The following PCDH15 variants were observed in gnomAD, a reference collection of about 807,000 sequenced individuals.
PCDH15 encodes protocadherin-15.
A neutral mutation model predicts 178.5 loss-of-function variants in PCDH15; 129 were observed. The observed-to-expected ratio is 0.72, with a 90% CI of 0.63 to 0.84. The LOEUF (loss-of-function observed/expected upper bound fraction) is 0.84, where lower values mean the gene tolerates loss of function less well. Ranked by LOEUF, PCDH15 falls within the 40% of genes least tolerant of loss-of-function variation. The pLI is 0.00. For missense variants in PCDH15, 2,230 were observed against 2,099.9 expected, an observed-to-expected ratio of 1.06 and a Z score of -1.21; for synonymous variants, 800 against 732.0, an observed-to-expected ratio of 1.09 and a Z score of -1.50.
chr10:54,780,417 G>A (rs1274915167), intron 1 of PCDH15, among the ~76,000 whole-genome samples: 1 of 152,118 alleles, frequency 6.6e-6, no homozygotes, highest in Admixed American at 6.6e-5. Flanking sequence ...GCAAGGCTTG[G>A]GAACTGGGAG....
intron 14 of PCDH15, among the ~76,000 whole-genome samples, chr10:54,149,826 C>T (rs2044344655): frequency 6.6e-6 from 1 of 152,110 alleles, no homozygotes; most frequent in Admixed American, 6.6e-5. Context: ...CTAGAGATTG[C>T]AGTGGCTTGG....
chr10:55,275,711 T>C (rs866305626), intron 1 of PCDH15, among the ~76,000 whole-genome samples: 2 of 151,710 alleles, frequency 1.3e-5, no homozygotes, highest in Admixed American at 6.6e-5. Context: ...CTCTCTTTTT[T>C]TTTTTTTCCT....
chr10:55,530,739 C>T (rs973816532), intron 2 of PCDH15, among the ~76,000 whole-genome samples: 3 of 151,716 alleles, frequency 2.0e-5, no homozygotes, highest in African/African-American at 7.3e-5. Flanking sequence ...TCTTTGTGGC[C>T]TATCTCTGGA....
chr10:53,936,534 G>A (rs894439676), intron 25 of PCDH15, among the ~76,000 whole-genome samples: 2 of 152,054 alleles, frequency 1.3e-5, no homozygotes, highest in South Asian at 2.1e-4. Context: ...GATACATGGA[G>A]GTTCACCGTA....
intron 18 of PCDH15, among the ~76,000 whole-genome samples, chr10:54,032,889 T>C (rs1165391401): frequency 1.3e-5 from 2 of 151,854 alleles, no homozygotes; most frequent in African/African-American, 4.8e-5. Flanking sequence ...GGCAACTTCT[T>C]TACCTGGTGA....
At chr10:54,130,617 G>A (rs1383214157) in intron 15 of PCDH15, among the ~76,000 whole-genome samples, 1 of 152,170 alleles carries the variant, frequency 6.6e-6, no homozygotes, top group African/African-American at 2.4e-5. Flanking sequence ...GTTCTTAAAA[G>A]GGGAAGTGGG....
chr10:54,948,058 T>C (rs1838235670), intron 2 of PCDH15, among the ~76,000 whole-genome samples: 1 of 152,016 alleles, frequency 6.6e-6, no homozygotes, highest in Non-Finnish European at 1.5e-5. Flanking sequence ...AGTTGATTTC[T>C]ATCTTCCTTC....
chr10:53,829,403 C>A (rs781692703), intron 30 of PCDH15, among the ~76,000 whole-genome samples: 7 of 152,148 alleles, frequency 4.6e-5, no homozygotes, highest in East Asian at 1.9e-4. Context: ...TTGATCATTG[C>A]ATACTGTGCC....
At chr10:54,461,683 A>G (rs1395014465) in intron 3 of PCDH15, among the ~76,000 whole-genome samples, 1 of 152,124 alleles carries the variant, frequency 6.6e-6, no homozygotes. Context: ...TTTTTCAACT[A>G]CCTGTGCACA....
chr10:55,077,410 CCTTCCTTCCTTCCTTCCTTCCTTCCTTT>C (rs1841925823), intron 2 of PCDH15, among the ~76,000 whole-genome samples: 1 of 55,286 alleles, frequency 1.8e-5, no homozygotes, highest in Non-Finnish European at 5.2e-5. Context: ...TTCCTTCCTT[CCTTCCTTCCTTCCTTCCTTCCTTCCTTT>C]CTTCCTTCCT....
intron 4 of PCDH15, among the ~76,000 whole-genome samples, chr10:54,372,125 G>A (rs560548693): frequency 1.3e-5 from 2 of 151,940 alleles, no homozygotes; most frequent in African/African-American, 4.8e-5. Flanking sequence ...TGTACTGTTT[G>A]TCCTTGGCAC....
intron 2 of PCDH15, among the ~76,000 whole-genome samples, chr10:55,081,192 C>T (rs2132025668): frequency 6.6e-6 from 1 of 152,292 alleles, no homozygotes; most frequent in South Asian, 2.1e-4. Flanking sequence ...CCATCTCCTT[C>T]TCTGCCTCAG....
chr10:54,487,938 T>TA (rs1365462466), intron 3 of PCDH15, among the ~76,000 whole-genome samples: 1 of 152,008 alleles, frequency 6.6e-6, no homozygotes, highest in Non-Finnish European at 1.5e-5. Context: ...GCATTTTTTC[T>TA]AAAATAAATC....
chr10:55,190,169 T>C (rs1349701073), intron 1 of PCDH15, among the ~76,000 whole-genome samples: 1 of 151,792 alleles, frequency 6.6e-6, no homozygotes, highest in Non-Finnish European at 1.5e-5. Context: ...CATGATTTTA[T>C]TTGTATGAAA....
intron 1 of PCDH15, among the ~76,000 whole-genome samples, chr10:55,286,839 T>C (rs1223389922): frequency 6.6e-6 from 1 of 152,024 alleles, no homozygotes; most frequent in Non-Finnish European, 1.5e-5. Context: ...TTCTTAAGTT[T>C]TATTATATAT....
chr10:54,236,779 G>T, intron 9 of PCDH15, 44 bp downstream of exon 9: 1 of 1,440,248 alleles, frequency 6.9e-7, no homozygotes, highest in Non-Finnish European at 9.8e-7. Context: ...GTTACTGTAA[G>T]ATTCTAGAAT....
chr10:54,303,439 T>C (rs551170486), intron 8 of PCDH15, among the ~76,000 whole-genome samples: 1 of 152,170 alleles, frequency 6.6e-6, no homozygotes, highest in Non-Finnish European at 1.5e-5. Flanking sequence ...TATATGCATA[T>C]ATATGCACAC....
rs76446544 is a variant in PCDH15, at chr10:55,619,427, T to C, written c.-156+8198A>G. Among the ~76,000 whole-genome samples, 772 of 152,114 alleles carry C rather than the reference T, an allele frequency of 5.1e-3. 6 individuals carry two copies. Among genetic ancestry groups the C allele is most frequent in the African/African-American group, 0.018 (732 of 41,546 alleles). ...TGACAGGTGGTATTCATTTAAAATA[T>C]GCTCAAGAGCTATTAGAAATCAAGA... On this transcript the variant is annotated intron_variant, in intron 2 of 5. Coordinates refer to the PCDH15 transcript ENST00000613346.
At chr10:54,581,341 A>T in intron 2 of PCDH15, among the ~76,000 whole-genome samples, 1 of 152,100 alleles carries the variant, frequency 6.6e-6, no homozygotes, top group East Asian at 1.9e-4. Flanking sequence ...TACAATACCC[A>T]CAATAAAAAT....
Sources: allele counts gnomAD v4.1 joint callset (sites outside exome capture counted in the v4.1 genomes callset), GRCh38; gene constraint gnomAD v4.1.1; transcripts MANE v1.5; gene names NCBI Gene and HGNC (gene_info 2026-07-23, HGNC 2026-07-21).